The following TMEM272 variants were observed in gnomAD, a reference collection of about 807,000 sequenced individuals.
The protein encoded by TMEM272 is transmembrane protein 272, also known as long intergenic non-protein coding RNA 282.
Under a neutral mutation model 3.7 loss-of-function variants are expected in TMEM272, and 8 were observed. The observed-to-expected ratio is 2.17, with a 90% CI of 1.27 to 3.91. The LOEUF (loss-of-function observed/expected upper bound fraction) is 3.91. Among genes scored for constraint, TMEM272 ranks in the 30% most tolerant of loss-of-function variants. The pLI, the probability that TMEM272 is intolerant of heterozygous loss-of-function variation, is 0.00. For synonymous variants in TMEM272, 63 were observed against 39.8 expected (o/e 1.58, Z -2.20); for missense variants, 166 against 91.5 (o/e 1.81, Z -3.32).
the TMEM272 span, among the ~76,000 whole-genome samples, chr13:51,880,382 C>T: frequency 6.6e-6 from 1 of 152,160 alleles, no homozygotes; most frequent in Admixed American, 6.5e-5. Flanking sequence ...TTATGAGTCT[C>T]CACCCTGAGG....
chr13:51,882,681 T>C, the TMEM272 span, among the ~76,000 whole-genome samples: 3 of 151,862 alleles, frequency 2.0e-5, no homozygotes, highest in Non-Finnish European at 4.4e-5. Flanking sequence ...GATGGTTCTA[T>C]CTAGTCTGTA....
At chr13:51,885,089 G>C in the TMEM272 span, among the ~76,000 whole-genome samples, 2 of 152,286 alleles carry the variant, frequency 1.3e-5, no homozygotes, top group Non-Finnish European at 1.5e-5. Context: ...GCTTAGAAGT[G>C]AGCACCTGAC....
chr13:51,817,167 AAG>A (rs1038588808), intron 4 of TMEM272, 54 bp from the exon 5 acceptor site: 5 of 670,186 alleles, frequency 7.5e-6, no homozygotes, highest in African/African-American at 3.5e-5. Flanking sequence ...AATAGACGGG[AAG>A]AGAGGGGATA....
chr13:51,882,759 TA>T, the TMEM272 span, among the ~76,000 whole-genome samples: 5 of 150,670 alleles, frequency 3.3e-5, no homozygotes, highest in African/African-American at 4.9e-5. Flanking sequence ...AAATAACAAA[TA>T]AAAAATATAA....
chr13:51,822,486 G>A (rs2139555231), intron 3 of TMEM272, among the ~76,000 whole-genome samples: 1 of 152,278 alleles, frequency 6.6e-6, no homozygotes, highest in Non-Finnish European at 1.5e-5. Context: ...GGATTCAAAG[G>A]ATCCCTTTAA....
chr13:51,869,208 T>A, the TMEM272 span, among the ~76,000 whole-genome samples: 1 of 152,092 alleles, frequency 6.6e-6, no homozygotes, highest in Non-Finnish European at 1.5e-5. Context: ...TGGTAAGGAG[T>A]GGAGCTGTGT....
the TMEM272 span, chr13:51,865,520 G>A: frequency 1.1e-5 from 17 of 1,614,100 alleles, no homozygotes; most frequent in Non-Finnish European, 1.4e-5. Flanking sequence ...GCTGCAGGAG[G>A]AAAAGGCTTT....
chr13:51,924,934 A>G, the TMEM272 span, among the ~76,000 whole-genome samples: 31 of 152,290 alleles, frequency 2.0e-4, no homozygotes, highest in South Asian at 3.1e-3. Flanking sequence ...TCCCACCAGT[A>G]TGTTTGGGAA....
At chr13:51,866,048 C>A in the TMEM272 span, 32 of 1,594,230 alleles carry the variant, frequency 2.0e-5, no homozygotes, top group Admixed American at 1.3e-4. Flanking sequence ...CAGAGGGCAG[C>A]GCTTGCTGGC....
the TMEM272 span, among the ~76,000 whole-genome samples, chr13:51,919,233 C>T: frequency 2.6e-5 from 4 of 152,024 alleles, no homozygotes; most frequent in African/African-American, 7.3e-5. Context: ...ACCAGACCCA[C>T]GTGTATTTTT....
chr13:51,845,779 C>A (rs12585495), upstream of TMEM272, among the ~76,000 whole-genome samples: 448 of 152,330 alleles, frequency 2.9e-3, 18 homozygotes, highest in East Asian at 0.074. Context: ...GCCAGAGATT[C>A]TTTATTGAAA....
At chr13:51,831,718 G>A (rs1182856804) in intron 2 of TMEM272, among the ~76,000 whole-genome samples, 1 of 152,230 alleles carries the variant, frequency 6.6e-6, no homozygotes, top group Middle Eastern at 3.2e-3. Context: ...TCAGTCTTTG[G>A]AGCTCTCTGG....
At chr13:51,852,835 C>T in the TMEM272 span, among the ~76,000 whole-genome samples, 5 of 149,422 alleles carry the variant, frequency 3.3e-5, no homozygotes, top group South Asian at 2.1e-4. Context: ...GCCAAGATCG[C>T]GCCATTGCAC....
At position 51,842,804 on chromosome 13, in the gene TMEM272, C is replaced by T. The variant is rs1042391885; in HGVS notation, c.-24+2212G>A. Among the ~76,000 whole-genome samples, 14 of 152,294 alleles carry T rather than the reference C, an allele frequency of 9.2e-5. No individual in the cohort carries two copies. In the East Asian group the frequency reaches 1.2e-3, roughly 13 times the overall value. ...CAGCTGAATTATATTTCACAGAGTA[C>T]GCTATATCAAACTATATTTCTCTAT... On this transcript the variant is annotated intron_variant, in intron 1 of 4. Coordinates refer to ENST00000629372, the MANE Select transcript of TMEM272 (RefSeq NM_001351003.2).
rs376686684 is a variant in TMEM272 at position 51,836,574 on chromosome 13, C to T, written c.58+1899G>A. On this transcript the variant is annotated intron_variant, in intron 2 of 4. Transcript: ENST00000629372. ...CTTGGCTGGATTACTGCATAGGTGA[C>T]GGCCACCTGTCCCTCACTGGTAATG... 4.6e-5 allele frequency among the ~76,000 whole-genome samples: 7 copies of T among 152,184 alleles called. No homozygotes were observed. The East Asian group carries it at 5.8e-4, about 13-fold the overall frequency.
At chr13:51,910,353 C>T in the TMEM272 span, 1 of 1,195,484 alleles carries the variant, frequency 8.4e-7, no homozygotes, top group African/African-American at 1.5e-5. Flanking sequence ...AAGTAGTCTA[C>T]ATTTTTCTTC....
the TMEM272 span, among the ~76,000 whole-genome samples, chr13:51,917,459 G>A: frequency 2.6e-4 from 40 of 152,104 alleles, no homozygotes; most frequent in Admixed American, 2.2e-3. Context: ...CTAGGTTCCT[G>A]AATCTTCCAT....
chr13:51,830,734 G>A (rs1956165878), intron 2 of TMEM272, among the ~76,000 whole-genome samples: 1 of 152,160 alleles, frequency 6.6e-6, no homozygotes, highest in South Asian at 2.1e-4. Context: ...ATACACTGTG[G>A]TTCTCATGGT....
At chr13:51,903,610 C>T in the TMEM272 span, among the ~76,000 whole-genome samples, 1 of 152,088 alleles carries the variant, frequency 6.6e-6, no homozygotes, top group African/African-American at 2.4e-5. Context: ...TGCAGGAGAC[C>T]CTGAGCATCT....
Sources: gnomAD v4.1 joint callset for allele counts (sites outside exome capture counted in the v4.1 genomes callset) on GRCh38, gnomAD v4.1.1 for gene constraint, MANE v1.5 for transcripts, NCBI Gene and HGNC (gene_info 2026-07-23, HGNC 2026-07-21) for gene names.